The following PHLPP1 variants were observed in gnomAD, a reference collection of about 807,000 sequenced individuals.
PHLPP1 encodes PH domain and leucine rich repeat protein phosphatase 1, also known as PH domain leucine-rich repeat-containing protein phosphatase 1.
PHLPP1 carries 42 observed loss-of-function variants against 117.2 expected under a neutral mutation model. That is an observed-to-expected ratio of 0.36 (90% CI 0.28 to 0.46). The LOEUF (loss-of-function observed/expected upper bound fraction) is 0.46. Ranked by LOEUF, PHLPP1 falls within the 20% of genes least tolerant of loss-of-function variation. The pLI is 1.00. For missense variants in PHLPP1, 2,084 were observed against 2,241.9 expected, an observed-to-expected ratio of 0.93 and a Z score of 1.42; for synonymous variants, 1,042 against 970.7, an observed-to-expected ratio of 1.07 and a Z score of -1.37.
At chr18:62,866,240 G>T (rs1006332361) in intron 4 of PHLPP1, among the ~76,000 whole-genome samples, 12 of 150,958 alleles carry the variant, frequency 7.9e-5, no homozygotes, top group African/African-American at 2.9e-4. Context: ...TTTTGTTTTT[G>T]TGTTTTTTGT....
rs144109197 is a variant in PHLPP1, at chr18:62,775,942, A to G, written c.1577-54093A>G. ...ATTTCTATAATTTTGTATAAATTGC[A>G]TAATTTATATAAATTTCATATAAAT... On this transcript the variant is annotated intron_variant, in intron 1 of 16. Transcript: ENST00000262719. Among the ~76,000 whole-genome samples, 37 of 152,326 alleles carry G rather than the reference A, an allele frequency of 2.4e-4. 1 individual carries two copies. In the East Asian group the frequency reaches 4.6e-3, roughly 19 times the overall value.
At chr18:62,826,578 A>G (rs1914618417) in intron 1 of PHLPP1, among the ~76,000 whole-genome samples, 1 of 152,208 alleles carries the variant, frequency 6.6e-6, no homozygotes, top group Admixed American at 6.5e-5. Context: ...TGATACCTCT[A>G]GCATCTAGCA....
chr18:62,734,893 T>C (rs1326045790), intron 1 of PHLPP1, among the ~76,000 whole-genome samples: 1 of 152,194 alleles, frequency 6.6e-6, no homozygotes, highest in Non-Finnish European at 1.5e-5. Flanking sequence ...AGAATAGTTA[T>C]TGGCCCTTGT....
At chr18:62,928,911 T>C (rs1909725554) in intron 10 of PHLPP1, among the ~76,000 whole-genome samples, 1 of 152,238 alleles carries the variant, frequency 6.6e-6, no homozygotes, top group Non-Finnish European at 1.5e-5. Context: ...TGCTGTATGA[T>C]TCTTTTTATA....
chr18:62,763,717 A>G (rs1463753845), intron 1 of PHLPP1, among the ~76,000 whole-genome samples: 8 of 151,820 alleles, frequency 5.3e-5, no homozygotes, highest in African/African-American at 9.7e-5. Context: ...TCTCTACTGT[A>G]TTTCTTTCTC....
At chr18:62,795,288 G>A (rs1913593977) in intron 1 of PHLPP1, among the ~76,000 whole-genome samples, 1 of 151,856 alleles carries the variant, frequency 6.6e-6, no homozygotes. Context: ...AACGAGCCTT[G>A]GCAACACGGT....
intron 4 of PHLPP1, among the ~76,000 whole-genome samples, chr18:62,884,573 C>T (rs951612083): frequency 3.3e-5 from 5 of 152,362 alleles, no homozygotes; most frequent in African/African-American, 7.2e-5. Flanking sequence ...CCCAGAGCGA[C>T]GCTTACAAGT....
chr18:62,979,539 A>G lies in PHLPP1; in HGVS notation c.*108A>G. The G allele has an allele frequency of 8.2e-7, 1 of 1,218,708 alleles. No individual in the cohort carries two copies. Among genetic ancestry groups the G allele is most frequent in the Non-Finnish European group, 1.1e-6 (1 of 885,226 alleles). 75.5% of individuals were successfully genotyped at this position (1,218,708 alleles called of 1,614,324 possible). A position where few individuals can be genotyped will look rare whatever the true frequency, so the allele number is the denominator to read the frequency against. On this transcript the variant is annotated 3_prime_UTR_variant, in exon 17 of 17. Coordinates refer to ENST00000262719, the MANE Select transcript of PHLPP1 (RefSeq NM_194449.4). ...TTTACTCCACATCCTTCCCCCAGAC[A>G]CTGTTCCCAACCTGTCATCGCAGCT...
At chr18:62,918,429 A>AATAAATAAATATATATAT (rs375057055) in intron 9 of PHLPP1, among the ~76,000 whole-genome samples, 135 of 140,498 alleles carry the variant, frequency 9.6e-4, no homozygotes, top group African/African-American at 3.5e-3. Flanking sequence ...GTAAAGGATA[A>AATAAATAAATATATATAT]ATATATATAT....
intron 1 of PHLPP1, among the ~76,000 whole-genome samples, chr18:62,783,464 G>A (rs1214974751): frequency 6.6e-6 from 1 of 152,002 alleles, no homozygotes; most frequent in African/African-American, 2.4e-5. Context: ...TCCTGACCTC[G>A]TGATCTGCCC....
chr18:62,928,869 T>C (rs1909724652), intron 10 of PHLPP1, among the ~76,000 whole-genome samples: 1 of 152,330 alleles, frequency 6.6e-6, no homozygotes, highest in African/African-American at 2.4e-5. Context: ...AGCAGTATGC[T>C]AAGTGAAAGA....
At chr18:62,906,079 C>A (rs1269384027) in intron 8 of PHLPP1, among the ~76,000 whole-genome samples, 1 of 152,200 alleles carries the variant, frequency 6.6e-6, no homozygotes, top group Non-Finnish European at 1.5e-5. Flanking sequence ...AAGGTGACAA[C>A]TGTTAACTCA....
chr18:62,941,051 T>C (rs556460032), intron 10 of PHLPP1, among the ~76,000 whole-genome samples: 4 of 152,360 alleles, frequency 2.6e-5, no homozygotes, highest in African/African-American at 9.6e-5. Flanking sequence ...GTTTGTGAGA[T>C]TCATCCTGTT....
intron 2 of PHLPP1, 76 bp downstream of exon 2, chr18:62,830,307 C>A: frequency 8.2e-7 from 1 of 1,222,270 alleles, no homozygotes; most frequent in South Asian, 1.5e-5. Context: ...GTGGCGTGGT[C>A]TCAACTCACT....
At chr18:62,932,974 A>G (rs544098219) in intron 10 of PHLPP1, among the ~76,000 whole-genome samples, 4 of 152,332 alleles carry the variant, frequency 2.6e-5, no homozygotes, top group Admixed American at 2.0e-4. Flanking sequence ...AGTAACTTTC[A>G]AGCTGAGAAC....
At chr18:62,776,710 A>T (rs1211797247) in intron 1 of PHLPP1, among the ~76,000 whole-genome samples, 1 of 151,590 alleles carries the variant, frequency 6.6e-6, no homozygotes, top group Non-Finnish European at 1.5e-5. Flanking sequence ...CCTGGGTTCA[A>T]GTGATTCTCC....
intron 13 of PHLPP1, among the ~76,000 whole-genome samples, chr18:62,963,022 C>T (rs1036956234): frequency 1.3e-5 from 2 of 152,002 alleles, no homozygotes; most frequent in African/African-American, 4.8e-5. Context: ...AAGAATACAC[C>T]CATCCTATTA....
intron 3 of PHLPP1, among the ~76,000 whole-genome samples, chr18:62,849,610 A>G (rs1211092454): frequency 7.1e-6 from 1 of 141,710 alleles, no homozygotes; most frequent in Non-Finnish European, 1.5e-5. Flanking sequence ...AGATCGCACC[A>G]TTGCACTCCA....
Position 62,905,221 on chromosome 18 carries a change from T to C in PHLPP1, c.2648-3T>C. 1 of 1,526,544 alleles carries C rather than the reference T, an allele frequency of 6.6e-7. No individual in the cohort carries two copies. The allele number at this position is 1,526,544 out of a possible 1,614,324, so 94.6% of individuals were successfully genotyped here. ...TTTGTGGGGTTTTTTTTTTTCTTCC[T>C]AGAACTTGTTCAACTTGATGTTTAC... is the stretch of plus-strand genomic sequence containing the variant. On this transcript the variant is annotated splice_polypyrimidine_tract_variant and splice_region_variant and intron_variant, in intron 7 of 16. Transcript: ENST00000262719.
Sources: allele counts gnomAD v4.1 joint callset (sites outside exome capture counted in the v4.1 genomes callset), GRCh38; gene constraint gnomAD v4.1.1; transcripts MANE v1.5; gene names NCBI Gene and HGNC (gene_info 2026-07-23, HGNC 2026-07-21).